PLCG2: variants seen among roughly 807,000 people sequenced by gnomAD.
PLCG2 encodes the protein 1-phosphatidylinositol 4,5-bisphosphate phosphodiesterase gamma-2.
In PLCG2, 69 loss-of-function variants were observed where a neutral mutation model predicts 175.6. The ratio of observed to expected loss-of-function variants is 0.39; its 90% CI spans 0.32 to 0.48. PLCG2 has a LOEUF of 0.48. Among genes scored for constraint, PLCG2 ranks in the 20% least tolerant of loss-of-function variants. PLCG2 has a pLI of 0.91. For synonymous variants in PLCG2, 827 were observed against 624.0 expected, an observed-to-expected ratio of 1.33 and a Z score of -4.85; for missense variants, 1,798 against 1,650.9, an observed-to-expected ratio of 1.09 and a Z score of -1.54.
intron 5 of PLCG2, among the ~76,000 whole-genome samples, chr16:81,866,742 T>C (rs1326128807): frequency 6.6e-6 from 1 of 151,606 alleles, no homozygotes; most frequent in Admixed American, 6.6e-5. Context: ...GACACTGGCC[T>C]CTCCCTTGCT....
chr16:81,899,289 T>TATATATATATATATATATACAC (rs908648451), intron 13 of PLCG2, among the ~76,000 whole-genome samples: 2 of 92,420 alleles, frequency 2.2e-5, no homozygotes, highest in African/African-American at 7.6e-5. Flanking sequence ...TATATATATA[T>TATATATATATATATATATACAC]ACACACACAC....
At chr16:81,800,116 G>A (rs1911656742) in intron 2 of PLCG2, among the ~76,000 whole-genome samples, 1 of 152,114 alleles carries the variant, frequency 6.6e-6, no homozygotes, top group African/African-American at 2.4e-5. Flanking sequence ...TGAGGATTAG[G>A]GGAGTTAATT....
At chr16:81,944,413 A>T (rs1412190289) in intron 30 of PLCG2, among the ~76,000 whole-genome samples, 1 of 152,178 alleles carries the variant, frequency 6.6e-6, no homozygotes, top group Non-Finnish European at 1.5e-5. Context: ...AAGTAATCTA[A>T]TTTAAAGGAT....
chr16:81,952,384 T>G (rs1431269537), intron 31 of PLCG2, among the ~76,000 whole-genome samples: 1 of 152,184 alleles, frequency 6.6e-6, no homozygotes, highest in Admixed American at 6.5e-5. Flanking sequence ...AGTCATTGGA[T>G]TCTCAATTCC....
intron 32 of PLCG2, 134 bp from the exon 33 acceptor site, chr16:81,957,822 C>T (rs1911636352): frequency 1.4e-6 from 1 of 723,108 alleles, no homozygotes; most frequent in African/African-American, 1.7e-5. Context: ...TGGAGTCTGC[C>T]TCTCTGACAC....
rs748440029 is a variant in PLCG2 at position 81,891,541 on chromosome 16, G to T, written c.937G>T (p.Asp313Tyr). The T allele has an allele frequency of 6.2e-7, 1 of 1,612,150 alleles. No homozygotes were observed. The highest frequency in any genetic ancestry group is 2.2e-5 in the East Asian group (1 of 44,850). Reference sequence around the variant, plus strand: ...GAAGTATGACGCGGTGGACATGCAGGACATGAACAACCCCCTGTCTCATTA... The same window carrying T: ...GAAGTATGACGCGGTGGACATGCAGTACATGAACAACCCCCTGTCTCATTA... ...DEKYDAVDMQ[D>Y]MNNPLSHYWI... The change falls in exon 11 of 33, where the codon GAC (aspartate) becomes TAC (tyrosine). Residue 313 changes from aspartate (D) to tyrosine (Y), a missense_variant. Coordinates refer to ENST00000564138, the MANE Select transcript of PLCG2 (RefSeq NM_002661.5).
chr16:81,832,430 C>T (rs2143390161), intron 2 of PLCG2, among the ~76,000 whole-genome samples: 1 of 152,354 alleles, frequency 6.6e-6, no homozygotes, highest in Admixed American at 6.5e-5. Context: ...CACTCTATCA[C>T]CCAGGTGGGA....
intron 2 of PLCG2, among the ~76,000 whole-genome samples, chr16:81,810,179 T>C (rs1027936272): frequency 1.3e-5 from 2 of 152,042 alleles, no homozygotes; most frequent in Non-Finnish European, 2.9e-5. Context: ...TTAGTAGAGA[T>C]GGGGTTTCAC....
intron 31 of PLCG2, among the ~76,000 whole-genome samples, chr16:81,949,549 T>C (rs1911284486): frequency 6.6e-6 from 1 of 152,184 alleles, no homozygotes; most frequent in South Asian, 2.1e-4. Context: ...GTATGCAATA[T>C]TTTAGATATA....
At chr16:81,776,654 A>C (rs1465246331), upstream of PLCG2, among the ~76,000 whole-genome samples, 2 of 152,198 alleles carry the variant, frequency 1.3e-5, no homozygotes, top group Non-Finnish European at 2.9e-5. Flanking sequence ...TTCTGGGTTC[A>C]AACGATTCTG....
chr16:81,804,907 C>T (rs1216446765), intron 2 of PLCG2, among the ~76,000 whole-genome samples: 3 of 152,178 alleles, frequency 2.0e-5, no homozygotes, highest in South Asian at 4.1e-4. Flanking sequence ...TTGTGCTGGG[C>T]ACTACAAGCT....
chr16:81,946,822 T>G (rs564382650), intron 31 of PLCG2, among the ~76,000 whole-genome samples: 12 of 152,086 alleles, frequency 7.9e-5, no homozygotes, highest in African/African-American at 2.9e-4. Flanking sequence ...ATCAATTAAT[T>G]TAGCTGAATG....
At chr16:81,862,286 C>T (rs777189603) in intron 5 of PLCG2, among the ~76,000 whole-genome samples, 9 of 152,268 alleles carry the variant, frequency 5.9e-5, no homozygotes, top group South Asian at 2.1e-4. Context: ...TTGGCCCAAG[C>T]ACGCTGTTTC....
chr16:81,934,672 C>T, intron 26 of PLCG2, 141 bp downstream of exon 26: 1 of 645,428 alleles, frequency 1.5e-6, no homozygotes, highest in Non-Finnish European at 2.7e-6. Context: ...TTGGGTTTGT[C>T]CTCCGAGTGA....
chr16:81,948,754 T>G (rs919085936), intron 31 of PLCG2, among the ~76,000 whole-genome samples: 2 of 152,180 alleles, frequency 1.3e-5, no homozygotes, highest in Non-Finnish European at 2.9e-5. Context: ...GTTTGCCTAA[T>G]GCTGGCTCCA....
chr16:81,895,762 C>T (rs1043287898), intron 12 of PLCG2, 45 bp from the exon 13 acceptor site: 7 of 1,609,792 alleles, frequency 4.3e-6, no homozygotes, highest in African/African-American at 4.0e-5. Context: ...TCGGGGCTGT[C>T]AGTGAACACA....
chr16:81,772,882 A>C (rs1910314053), intron 2 of PLCG2, among the ~76,000 whole-genome samples: 1 of 152,100 alleles, frequency 6.6e-6, no homozygotes, highest in African/African-American at 2.4e-5. Flanking sequence ...CAAAAGGGAG[A>C]CCTTCGGATG....
intron 2 of PLCG2, among the ~76,000 whole-genome samples, chr16:81,814,537 A>T (rs546724071): frequency 1.3e-5 from 2 of 152,128 alleles, no homozygotes; most frequent in Non-Finnish European, 2.9e-5. Flanking sequence ...TACTAAAACA[A>T]TACGAAAATT....
rs4611451 is a variant in PLCG2, at chr16:81,938,052, T to C, written c.3198+149T>C. The C allele has an allele frequency of 0.33, 233,549 of 698,714 alleles. 45,691 individuals are homozygous for C. Among genetic ancestry groups the C allele is most frequent in the African/African-American group, 0.72 (39,979 of 55,384 alleles). The allele number at this position is 698,714 out of a possible 1,614,324, so 43.3% of individuals were successfully genotyped here. Reference sequence around the variant, plus strand: ...CATTCAGGCAGTGTTTGAGGATCTTTCTTTCTTACAGTACACTCCGGGGTC... The same window carrying C: ...CATTCAGGCAGTGTTTGAGGATCTTCCTTTCTTACAGTACACTCCGGGGTC... On this transcript the variant is annotated intron_variant, in intron 28 of 32. Transcript: ENST00000564138.
Sources: allele counts gnomAD v4.1 joint callset (sites outside exome capture counted in the v4.1 genomes callset), GRCh38; gene constraint gnomAD v4.1.1; transcripts MANE v1.5; gene names NCBI Gene and HGNC (gene_info 2026-07-23, HGNC 2026-07-21).